ADARB2: variants seen among roughly 807,000 people sequenced by gnomAD.
ADARB2 encodes inactive double-stranded RNA-specific editase B2.
ADARB2 carries 25 observed loss-of-function variants against 62.2 expected under a neutral mutation model. The ratio of observed to expected loss-of-function variants is 0.40; its 90% confidence interval spans 0.29 to 0.56. ADARB2 has a LOEUF of 0.56. Ranked by LOEUF, ADARB2 falls within the 20% of genes least tolerant of loss-of-function variation. The probability of loss-of-function intolerance (pLI) is 0.43; values close to 1 mark genes in which losing one functional copy is unlikely to be tolerated. For missense variants in ADARB2, 1,071 were observed against 1,077.4 expected (o/e 0.99, Z 0.08); for synonymous variants, 572 against 500.8 (o/e 1.14, Z -1.90).
chr10:1,234,254 G>T (rs2131771185), intron 5 of ADARB2, among the ~76,000 whole-genome samples: 1 of 152,200 alleles, frequency 6.6e-6, no homozygotes, highest in East Asian at 1.9e-4. Flanking sequence ...CTCCCGAAGT[G>T]CTGGGATTAC....
At chr10:1,284,834 C>T (rs1485928491) in intron 3 of ADARB2, among the ~76,000 whole-genome samples, 1 of 152,172 alleles carries the variant, frequency 6.6e-6, no homozygotes, top group African/African-American at 2.4e-5. Flanking sequence ...TGGGGTCCAA[C>T]TCCAGTCCTT....
At chr10:1,509,141 C>T (rs998407525) in intron 1 of ADARB2, among the ~76,000 whole-genome samples, 2 of 152,128 alleles carry the variant, frequency 1.3e-5, no homozygotes, top group Non-Finnish European at 1.5e-5. Context: ...CGGTGATTAG[C>T]GTGTTTTTCA....
chr10:1,628,200 T>C (rs6560747), intron 1 of ADARB2, among the ~76,000 whole-genome samples: 79,967 of 152,080 alleles, frequency 0.53, 21,862 homozygotes, highest in East Asian at 0.68. Context: ...CCTGGCATGC[T>C]TAGGGGGAAA....
intron 4 of ADARB2, among the ~76,000 whole-genome samples, chr10:1,247,056 G>A (rs891618181): frequency 5.6e-4 from 85 of 152,250 alleles, no homozygotes; most frequent in African/African-American, 1.9e-3. Flanking sequence ...CACATCCCTT[G>A]TAAGTTGGAT....
intron 3 of ADARB2, among the ~76,000 whole-genome samples, chr10:1,347,202 C>T (rs184868882): frequency 2.0e-5 from 3 of 152,318 alleles, no homozygotes; most frequent in Non-Finnish European, 4.4e-5. Flanking sequence ...TAGAGGAGCT[C>T]GTCTGGATTT....
In ADARB2 at chr10:1,205,962, C is replaced by G. The variant is rs189267488; in HGVS notation, c.1683-5815G>C. Among the ~76,000 whole-genome samples, 230 of 150,704 alleles carry G rather than the reference C, an allele frequency of 1.5e-3. 1 individual carries two copies. The highest frequency in any genetic ancestry group is 5.5e-3 in the African/African-American group (224 of 40,916). ...GGGTCAGGTGGGGTCACGGGGCAGCCCGTTGGGGTCAGGTGGGTGTCACGG... is the reference window on the plus strand; with the variant it reads ...GGGTCAGGTGGGGTCACGGGGCAGCGCGTTGGGGTCAGGTGGGTGTCACGG... On this transcript the variant is annotated intron_variant, in intron 7 of 9. Transcript: ENST00000381312.
At chr10:1,530,113 C>A (rs1002730046) in intron 1 of ADARB2, among the ~76,000 whole-genome samples, 12 of 152,146 alleles carry the variant, frequency 7.9e-5, no homozygotes, top group Admixed American at 2.0e-4. Flanking sequence ...ATGCGGGCAC[C>A]CACCCACTGC....
chr10:1,647,858 ATGTG>A (rs1320469994), intron 1 of ADARB2, among the ~76,000 whole-genome samples: 4 of 151,452 alleles, frequency 2.6e-5, no homozygotes, highest in African/African-American at 9.7e-5. Context: ...GTATATGTGT[ATGTG>A]TGTGTATGTG....
At chr10:1,189,142 A>G (rs991323537) in intron 8 of ADARB2, among the ~76,000 whole-genome samples, 3 of 152,142 alleles carry the variant, frequency 2.0e-5, no homozygotes, top group African/African-American at 7.3e-5. Flanking sequence ...GCATTGGGAC[A>G]TCAGGTCACT....
At chr10:1,657,718 G>A (rs1218911163) in intron 1 of ADARB2, among the ~76,000 whole-genome samples, 3 of 152,214 alleles carry the variant, frequency 2.0e-5, no homozygotes, top group Admixed American at 6.5e-5. Context: ...GCTGGAATCC[G>A]AGAGCCAGGG....
chr10:1,367,289 G>A (rs771594579), intron 2 of ADARB2, among the ~76,000 whole-genome samples: 11 of 152,194 alleles, frequency 7.2e-5, no homozygotes, highest in African/African-American at 1.9e-4. Flanking sequence ...CTTTGAAAGT[G>A]CTCTCTGTTT....
At chr10:1,365,151 T>C (rs367607722) in intron 2 of ADARB2, among the ~76,000 whole-genome samples, 3 of 152,236 alleles carry the variant, frequency 2.0e-5, no homozygotes, top group African/African-American at 7.2e-5. Context: ...GGATTACGGA[T>C]GAGAGCCACC....
intron 3 of ADARB2, among the ~76,000 whole-genome samples, chr10:1,314,701 CTG>C (rs1462477090): frequency 1.3e-5 from 2 of 152,180 alleles, no homozygotes; most frequent in Non-Finnish European, 2.9e-5. Context: ...TGCCAACCAC[CTG>C]ACGGGAGAGG....
intron 7 of ADARB2, among the ~76,000 whole-genome samples, chr10:1,210,796 C>T (rs1448414269): frequency 6.6e-6 from 1 of 152,200 alleles, no homozygotes; most frequent in East Asian, 1.9e-4. Context: ...AGGTGGGCCT[C>T]AGGCAGATGG....
At chr10:1,489,134 T>C (rs906026414) in intron 1 of ADARB2, among the ~76,000 whole-genome samples, 1 of 152,240 alleles carries the variant, frequency 6.6e-6, no homozygotes, top group Admixed American at 6.5e-5. Context: ...AATTTGCTCA[T>C]TTCTTGGCCA....
At chr10:1,530,630 C>T (rs1468501843) in intron 1 of ADARB2, among the ~76,000 whole-genome samples, 2 of 152,202 alleles carry the variant, frequency 1.3e-5, no homozygotes, top group African/African-American at 4.8e-5. Context: ...TGCACACCGA[C>T]CGCTTGTCGG....
chr10:1,422,890 T>G (rs1035071085), intron 1 of ADARB2, among the ~76,000 whole-genome samples: 5 of 152,136 alleles, frequency 3.3e-5, no homozygotes, highest in Non-Finnish European at 7.4e-5. Flanking sequence ...TCCACTCCAT[T>G]TTGCAGATGG....
chr10:1,637,422 A>T (rs1042814935), intron 1 of ADARB2, among the ~76,000 whole-genome samples: 4 of 152,214 alleles, frequency 2.6e-5, no homozygotes, highest in Admixed American at 2.0e-4. Flanking sequence ...AGTCTAATGA[A>T]ACCCATTATA....
At chr10:1,639,668 C>A (rs1003319569) in intron 1 of ADARB2, among the ~76,000 whole-genome samples, 3 of 152,146 alleles carry the variant, frequency 2.0e-5, no homozygotes, top group Non-Finnish European at 2.9e-5. Flanking sequence ...CATGGTGAAA[C>A]CTGTCTCTAC....
Sources: gnomAD v4.1 joint callset for allele counts (sites outside exome capture counted in the v4.1 genomes callset) on GRCh38, gnomAD v4.1.1 for gene constraint, MANE v1.5 for transcripts, NCBI Gene and HGNC (gene_info 2026-07-23, HGNC 2026-07-21) for gene names.